Variants in FERMT2 observed in about 807,000 individuals in gnomAD.
FERMT2 encodes fermitin family homolog 2.
FERMT2 carries 15 observed loss-of-function variants against 82.7 expected under a neutral mutation model. That is an observed-to-expected ratio of 0.18 (90% CI 0.12 to 0.28). FERMT2 has a LOEUF of 0.28. Ranked by LOEUF, FERMT2 falls within the 10% of genes least tolerant of loss-of-function variation. The pLI, the probability that FERMT2 is intolerant of heterozygous loss-of-function variation, is 1.00. For missense variants in FERMT2, 645 were observed against 809.4 expected (o/e 0.80, Z 2.46); for synonymous variants, 274 against 271.5 (o/e 1.01, Z -0.09).
At chr14:52,948,646 C>T (rs943210836) in intron 2 of FERMT2, 3 of 449,980 alleles carry the variant, frequency 6.7e-6, no homozygotes, top group Non-Finnish European at 1.3e-5. Context: ...AAATTAACAT[C>T]ATTTCTGTCT....
At chr14:52,878,511 C>A in intron 7 of FERMT2, 71 bp downstream of exon 7, 1 of 927,636 alleles carries the variant, frequency 1.1e-6, no homozygotes, top group South Asian at 1.5e-5. Context: ...ATTACTATTC[C>A]ACTTTACTGT....
At chr14:52,868,065 G>A (rs4450307) in intron 10 of FERMT2, among the ~76,000 whole-genome samples, 126,788 of 152,138 alleles carry the variant, frequency 0.83, 53,539 homozygotes, top group Non-Finnish European at 0.9. Context: ...AGTTCAAAAA[G>A]CAATCTCCTT....
intron 3 of FERMT2, among the ~76,000 whole-genome samples, chr14:52,908,805 G>A (rs1332591846): frequency 6.6e-6 from 1 of 152,070 alleles, no homozygotes; most frequent in African/African-American, 2.4e-5. Context: ...AAAATTAAAG[G>A]ACATGGCTTA....
intron 2 of FERMT2, among the ~76,000 whole-genome samples, chr14:52,927,481 G>A (rs1295056629): frequency 6.7e-6 from 1 of 150,220 alleles, no homozygotes; most frequent in Non-Finnish European, 1.5e-5. Flanking sequence ...CGCAATTATT[G>A]GCCAGGCTCA....
At chr14:52,868,201 A>G (rs921652777) in intron 10 of FERMT2, among the ~76,000 whole-genome samples, 3 of 143,144 alleles carry the variant, frequency 2.1e-5, no homozygotes, top group African/African-American at 5.0e-5. Context: ...CCAGCAGCAC[A>G]AAACTCTCTA....
chr14:52,880,765 T>C (rs1394818194), intron 6 of FERMT2, among the ~76,000 whole-genome samples: 1 of 151,364 alleles, frequency 6.6e-6, no homozygotes, highest in Non-Finnish European at 1.5e-5. Flanking sequence ...CTCTAAGAGC[T>C]TAGAGATTAA....
intron 3 of FERMT2, among the ~76,000 whole-genome samples, chr14:52,908,449 G>T (rs1441533685): frequency 1.3e-5 from 2 of 152,028 alleles, no homozygotes; most frequent in Admixed American, 1.3e-4. Context: ...ACAAATTATG[G>T]TATATCCATA....
At chr14:52,862,025 T>A (rs369624871) in intron 12 of FERMT2, 1 of 152,124 alleles carries the variant, frequency 6.6e-6, no homozygotes, top group Admixed American at 6.5e-5. Flanking sequence ...CACTACTTAC[T>A]AGGCACCAGG....
In FERMT2 at chr14:52,919,306, T is replaced by A. The variant is rs963902071; in HGVS notation, c.208A>T (p.Thr70Ser). 6.2e-7 allele frequency: 1 copy of A among 1,614,034 alleles called. No homozygotes were observed. Among genetic ancestry groups the A allele is most frequent in the Non-Finnish European group, 8.5e-7 (1 of 1,179,932 alleles). Residue 70 changes from threonine to serine, a missense_variant, in exon 3 of 15, where the codon ACT becomes TCT. Physicochemically the swap from Thr to Ser is moderately conservative, Grantham distance 58. Transcript: ENST00000341590. ...GTCCAATGTGTCTTCAGAAGCCAAG[T>A]TCTCTTCTTTTCCCACCAGAGAGCA... is the stretch of plus-strand genomic sequence containing the variant. ...DHALWWEKKR[T>S]WLLKTHWTLD...
intron 2 of FERMT2, among the ~76,000 whole-genome samples, chr14:52,935,493 G>C (rs1403634314): frequency 4.6e-5 from 7 of 152,122 alleles, no homozygotes; most frequent in Admixed American, 3.9e-4. Context: ...GGTGGAACTG[G>C]TATCCTTAGA....
intron 4 of FERMT2, among the ~76,000 whole-genome samples, chr14:52,885,623 T>C (rs1389509672): frequency 6.6e-6 from 1 of 152,072 alleles, no homozygotes; most frequent in Non-Finnish European, 1.5e-5. Flanking sequence ...GGGGGAGAAA[T>C]AGAGTTCAAA....
intron 4 of FERMT2, among the ~76,000 whole-genome samples, chr14:52,885,390 T>C (rs1014189884): frequency 2.6e-5 from 4 of 151,978 alleles, no homozygotes; most frequent in African/African-American, 9.7e-5. Flanking sequence ...AACATTTTTG[T>C]AGTTATTTCC....
chr14:52,897,920 G>C (rs1887383332), intron 3 of FERMT2, among the ~76,000 whole-genome samples: 1 of 135,668 alleles, frequency 7.4e-6, no homozygotes, highest in Admixed American at 8.7e-5. Flanking sequence ...AGGTTGCAGT[G>C]AGCTAAGATC....
intron 10 of FERMT2, among the ~76,000 whole-genome samples, chr14:52,869,252 A>T (rs1294147995): frequency 6.6e-6 from 1 of 152,192 alleles, no homozygotes. Context: ...AGTTTCAGGT[A>T]AATTACAGAA....
intron 3 of FERMT2, among the ~76,000 whole-genome samples, chr14:52,901,820 A>G (rs1887669874): frequency 1.3e-5 from 2 of 152,250 alleles, no homozygotes; most frequent in Non-Finnish European, 2.9e-5. Context: ...TTAAGAGTCT[A>G]TAGAGGACAC....
chr14:52,902,837 C>A (rs1313022944), intron 3 of FERMT2, among the ~76,000 whole-genome samples: 1 of 111,104 alleles, frequency 9.0e-6, no homozygotes, highest in Admixed American at 1.3e-4. Flanking sequence ...CCACTGTACT[C>A]CAGCCTGGGT....
intron 2 of FERMT2, among the ~76,000 whole-genome samples, chr14:52,942,503 C>T (rs1566764145): frequency 6.6e-6 from 1 of 151,916 alleles, no homozygotes; most frequent in Non-Finnish European, 1.5e-5. Flanking sequence ...GGGGTTTCAT[C>T]GTGTTAGCCA....
At chr14:52,893,513 T>A (rs1887075074) in intron 3 of FERMT2, 86 bp from the exon 4 acceptor site, 1 of 1,042,718 alleles carries the variant, frequency 9.6e-7, no homozygotes, top group African/African-American at 1.6e-5. Context: ...AAGATAAGAA[T>A]GTGTAACTTC....
At chr14:52,941,301 G>A (rs1469037964) in intron 2 of FERMT2, among the ~76,000 whole-genome samples, 9 of 152,108 alleles carry the variant, frequency 5.9e-5, no homozygotes, top group African/African-American at 1.9e-4. Flanking sequence ...GCGATGAGAC[G>A]GTTACAAAGG....
Sources: gnomAD v4.1 joint callset for allele counts (sites outside exome capture counted in the v4.1 genomes callset) on GRCh38, gnomAD v4.1.1 for gene constraint, MANE v1.5 for transcripts, NCBI Gene and HGNC (gene_info 2026-07-23, HGNC 2026-07-21) for gene names.